Variants in APP observed in about 807,000 individuals in gnomAD.
APP encodes amyloid-beta precursor protein.
In APP, 31 loss-of-function variants were observed where a neutral mutation model predicts 101.4. The observed-to-expected ratio is 0.31, with a 90% confidence interval of 0.23 to 0.41. The LOEUF (loss-of-function observed/expected upper bound fraction) is 0.41, where lower values mean the gene tolerates loss of function less well. Ranked by LOEUF, APP falls within the 10% of genes least tolerant of loss-of-function variation. APP has a pLI of 1.00. For synonymous variants in APP, 366 were observed against 364.4 expected (o/e 1.00, Z -0.05); for missense variants, 839 against 1,003.7 (o/e 0.84, Z 2.22).
At chr21:26,118,697 C>T (rs1401496583) in intron 1 of APP, among the ~76,000 whole-genome samples, 4 of 152,074 alleles carry the variant, frequency 2.6e-5, no homozygotes, top group African/African-American at 9.7e-5. Flanking sequence ...GGACTACAGG[C>T]GTGCACCACT....
intron 1 of APP, among the ~76,000 whole-genome samples, chr21:26,133,297 C>A (rs1199148848): frequency 6.6e-6 from 1 of 152,182 alleles, no homozygotes; most frequent in Non-Finnish European, 1.5e-5. Context: ...ACGTAAGGAA[C>A]CTATTAATAC....
chr21:25,941,181 C>CATAA (rs2040562354), intron 13 of APP: 1 of 152,140 alleles, frequency 6.6e-6, no homozygotes, highest in African/African-American at 2.4e-5. Context: ...TGGGGATGGG[C>CATAA]ATTATAGGCA....
At position 26,041,854 on chromosome 21, in the gene APP, C is replaced by A. The variant is rs1472624681; in HGVS notation, c.662+9146G>T. On this transcript the variant is annotated intron_variant, in intron 5 of 17. Transcript: ENST00000346798. The stretch of plus-strand genomic sequence containing the variant: ...GGAATCGAGCATTTCTAAATAAGGA[C>A]CTCAAAACTGGCAGCCAGTTCCCTC... Among the ~76,000 whole-genome samples the A allele has an allele frequency of 8.2e-4, 120 of 145,550 alleles. 3 individuals carry two copies. The South Asian group carries it at 0.025, about 31-fold the overall frequency.
chr21:25,886,826 T>C (rs1222156623), intron 17 of APP, among the ~76,000 whole-genome samples: 5 of 152,110 alleles, frequency 3.3e-5, no homozygotes, highest in South Asian at 2.1e-4. Flanking sequence ...GACCACTCTC[T>C]CCAACTACTC....
chr21:25,948,161 A>ATTTCT (rs71327992), intron 13 of APP, among the ~76,000 whole-genome samples: 2 of 147,434 alleles, frequency 1.4e-5, no homozygotes, highest in African/African-American at 5.0e-5. Context: ...TGCTGTTATG[A>ATTTCT]TTTTTTTTTT....
chr21:26,035,650 A>G (rs1175305222), intron 5 of APP, among the ~76,000 whole-genome samples: 1 of 152,158 alleles, frequency 6.6e-6, no homozygotes, highest in Admixed American at 6.5e-5. Flanking sequence ...AACACAACTT[A>G]AATTTGGGGG....
chr21:26,098,450 T>TA (rs1328567050), intron 2 of APP, among the ~76,000 whole-genome samples: 15 of 151,480 alleles, frequency 9.9e-5, no homozygotes, highest in Middle Eastern at 3.4e-3. Flanking sequence ...ATGTATATAT[T>TA]AAAAAAAAAC....
intron 11 of APP, among the ~76,000 whole-genome samples, chr21:25,971,054 CTT>C (rs977151119): frequency 1.4e-5 from 2 of 145,982 alleles, no homozygotes; most frequent in African/African-American, 2.5e-5. Flanking sequence ...AACAGCGTTT[CTT>C]TTTTTTTTTT....
At chr21:26,002,791 T>TA (rs1236987330) in intron 6 of APP, among the ~76,000 whole-genome samples, 4 of 125,918 alleles carry the variant, frequency 3.2e-5, no homozygotes, top group South Asian at 5.8e-4. Flanking sequence ...AGTATCATCT[T>TA]AGAGTACCAA....
intron 5 of APP, among the ~76,000 whole-genome samples, chr21:26,031,981 G>A (rs2044850209): frequency 1.3e-5 from 2 of 152,218 alleles, no homozygotes; most frequent in South Asian, 4.1e-4. Flanking sequence ...TCAGGCTACA[G>A]GGTTTATAGC....
chr21:26,020,388 A>C (rs2044285496), intron 6 of APP, among the ~76,000 whole-genome samples: 1 of 152,188 alleles, frequency 6.6e-6, no homozygotes, highest in Non-Finnish European at 1.5e-5. Context: ...AAATTTCTTA[A>C]AGCCGCTGAA....
chr21:26,118,212 C>A (rs1358794530), intron 1 of APP, among the ~76,000 whole-genome samples: 1 of 152,098 alleles, frequency 6.6e-6, no homozygotes, highest in Non-Finnish European at 1.5e-5. Flanking sequence ...ATTCACTACT[C>A]GTGAAATTAA....
intron 1 of APP, among the ~76,000 whole-genome samples, chr21:26,114,070 T>A (rs2062384238): frequency 7.1e-6 from 1 of 140,908 alleles, no homozygotes; most frequent in Non-Finnish European, 1.7e-5. Flanking sequence ...CTTGGCAGCA[T>A]GTTGTTAACT....
intron 13 of APP, among the ~76,000 whole-genome samples, chr21:25,921,519 C>T (rs1381607148): frequency 6.7e-6 from 1 of 148,588 alleles, no homozygotes; most frequent in Non-Finnish European, 1.5e-5. Context: ...ATCAAATAGA[C>T]ACGATAAAAA....
chr21:26,111,446 G>A (rs1441696713), intron 2 of APP, among the ~76,000 whole-genome samples: 1 of 152,082 alleles, frequency 6.6e-6, no homozygotes, highest in Non-Finnish European at 1.5e-5. Flanking sequence ...AAGATGAAAG[G>A]AGTGTGGAGG....
At chr21:26,052,378 CAG>C (rs2045871920) in intron 4 of APP, among the ~76,000 whole-genome samples, 1 of 152,182 alleles carries the variant, frequency 6.6e-6, no homozygotes, top group Non-Finnish European at 1.5e-5. Flanking sequence ...CGGTGAGGGA[CAG>C]GGGATCAAAA....
At chr21:26,001,872 C>T (rs2043312063) in intron 6 of APP, among the ~76,000 whole-genome samples, 2 of 352 alleles carry the variant, frequency 5.7e-3, no homozygotes, top group South Asian at 0.083. Context: ...TTGAGCTTCA[C>T]AGGCCAGAAG....
At chr21:25,902,118 G>A (rs555146600) in intron 15 of APP, among the ~76,000 whole-genome samples, 3 of 152,232 alleles carry the variant, frequency 2.0e-5, no homozygotes, top group Non-Finnish European at 4.4e-5. Flanking sequence ...TTTTAGATAT[G>A]AGAGTTAAGG....
chr21:26,103,613 G>GA (rs907136061), intron 2 of APP, among the ~76,000 whole-genome samples: 2 of 151,684 alleles, frequency 1.3e-5, no homozygotes, highest in African/African-American at 4.8e-5. Flanking sequence ...AAAAGAAAAA[G>GA]AAAAAAAAGA....
Sources: allele counts gnomAD v4.1 joint callset (sites outside exome capture counted in the v4.1 genomes callset), GRCh38; gene constraint gnomAD v4.1.1; transcripts MANE v1.5; gene names NCBI Gene and HGNC (gene_info 2026-07-23, HGNC 2026-07-21).